CWC15: variants seen among roughly 807,000 people sequenced by gnomAD.
CWC15 encodes the protein CWC15 spliceosome associated protein, also known as spliceosome-associated protein CWC15 homolog.
A neutral mutation model predicts 28.4 loss-of-function variants in CWC15; 12 were observed. That is an observed-to-expected ratio of 0.42 (90% CI 0.27 to 0.69). The LOEUF (loss-of-function observed/expected upper bound fraction) is 0.69. Ranked by LOEUF, CWC15 falls within the 30% of genes least tolerant of loss-of-function variation. CWC15 has a pLI of 0.23. For synonymous variants in CWC15, 92 were observed against 88.4 expected (o/e 1.04, Z -0.23); for missense variants, 192 against 271.5 (o/e 0.71, Z 2.06).
chr11:94,967,968 T>C (rs587750837), intron 5 of CWC15, among the ~76,000 whole-genome samples: 2 of 152,340 alleles, frequency 1.3e-5, no homozygotes, highest in Non-Finnish European at 2.9e-5. Flanking sequence ...GGACATTTTA[T>C]GTTTGGAATA....
At chr11:94,973,355 C>G (rs1857759573) in intron 1 of CWC15, 143 bp downstream of exon 1, 3 of 152,592 alleles carry the variant, frequency 2.0e-5, no homozygotes, top group Non-Finnish European at 2.9e-5. Context: ...ACGCGCCTGA[C>G]AGGCACTCGG....
rs782203939 is a variant in CWC15 at position 94,964,795 on chromosome 11, AGAT to A, written c.561-1284_561-1282del. On this transcript the variant is annotated intron_variant, in intron 6 of 6. Transcript: ENST00000279839. ...CTTGTATAATGTTTAGAGGCTGGCT[AGAT>A]GATTAGAACAGGTACTGGTAACTAA... is the stretch of plus-strand genomic sequence containing the variant. Among the ~76,000 whole-genome samples the A allele has an allele frequency of 4.6e-5, 7 of 152,356 alleles. No individual in the cohort carries two copies. The East Asian group carries it at 1.3e-3, about 29-fold the overall frequency.
rs1484016158 is a variant in CWC15 at position 94,970,898 on chromosome 11, TAAAGC to T, written c.333+74_333+78del. ...CTAAACATAAATATATGTCACTTCT[TAAAGC>T]AAAGACATAACAAGTATTTTAGAAT... On this transcript the variant is annotated intron_variant, in intron 4 of 6. Transcript: ENST00000279839. The T allele has an allele frequency of 5.8e-6, 7 of 1,196,624 alleles. No homozygotes were observed. The African/African-American group carries it at 9.0e-5, about 15-fold the overall frequency. The allele number at this position is 1,196,624 out of a possible 1,614,324, so 74.1% of individuals were successfully genotyped here.
rs2134099359 is a variant in CWC15, at chr11:94,966,272, ATTACTCCG to A, written c.560+15_560+22del. 5.5e-6 allele frequency: 6 copies of A among 1,081,520 alleles called. No individual in the cohort carries two copies. The highest frequency in any genetic ancestry group is 8.2e-6 in the Non-Finnish European group (6 of 730,130). The allele number at this position is 1,081,520 out of a possible 1,614,324, so 67.0% of individuals were successfully genotyped here. A position where few individuals can be genotyped will look rare whatever the true frequency, so the allele number is the denominator to read the frequency against. The stretch of plus-strand genomic sequence containing the variant: ...ACACACACACACACACACACACTCC[ATTACTCCG>A]TTACTGTATAGTACCTTCTTTTAAC... On this transcript the variant is annotated intron_variant, in intron 6 of 6. Coordinates refer to ENST00000279839, the MANE Select transcript of CWC15 (RefSeq NM_016403.4).
intron 5 of CWC15, 131 bp from the exon 6 acceptor site, chr11:94,966,544 GCT>G: frequency 8.0e-6 from 3 of 375,200 alleles, no homozygotes; most frequent in South Asian, 5.1e-5. Flanking sequence ...ATCAAGGCAG[GCT>G]TTTTTTTTTT....
chr11:94,970,455 T>C (rs139686533), intron 4 of CWC15: 1,942 of 180,860 alleles, frequency 0.011, 19 homozygotes, highest in South Asian at 0.042. Context: ...AAACTGCAAA[T>C]TGATTATAGG....
intron 6 of CWC15, 111 bp from the exon 7 acceptor site, chr11:94,963,625 T>A (rs1011830703): frequency 1.3e-6 from 1 of 754,954 alleles, no homozygotes; most frequent in East Asian, 3.2e-5. Flanking sequence ...TCAACATGTG[T>A]ATCATCTGAT....
chr11:94,971,194 C>T, intron 3 of CWC15, 129 bp from the exon 4 acceptor site: 1 of 1,013,934 alleles, frequency 9.9e-7, no homozygotes, highest in Non-Finnish European at 1.5e-6. Flanking sequence ...ATCCACAGTG[C>T]CTGGGCAAAT....
chr11:94,972,320 TAAAC>T, intron 1 of CWC15, 127 bp from the exon 2 acceptor site: 3 of 901,608 alleles, frequency 3.3e-6, no homozygotes, highest in South Asian at 1.8e-5. Context: ...TTAATCTTCT[TAAAC>T]AAAAGTTTTC....
At chr11:94,971,182 A>G in intron 3 of CWC15, 117 bp from the exon 4 acceptor site, 2 of 1,049,050 alleles carry the variant, frequency 1.9e-6, no homozygotes. Flanking sequence ...CAGTGAACTC[A>G]CATCCACAGT....
At chr11:94,972,316 T>C in intron 1 of CWC15, 123 bp from the exon 2 acceptor site, 4 of 948,478 alleles carry the variant, frequency 4.2e-6, no homozygotes, top group Non-Finnish European at 6.2e-6. Flanking sequence ...CTGCTTAATC[T>C]TCTTAAACAA....
intron 6 of CWC15, 71 bp downstream of exon 6, chr11:94,966,224 T>TACACACAC (rs1447749262): frequency 2.4e-4 from 177 of 734,152 alleles, no homozygotes; most frequent in African/African-American, 1.5e-3. Context: ...CACATACACA[T>TACACACAC]ATACACACAC....
chr11:94,971,168 T>C (rs1555096157), intron 3 of CWC15, 103 bp from the exon 4 acceptor site: 9 of 1,135,608 alleles, frequency 7.9e-6, no homozygotes, highest in Non-Finnish European at 1.1e-5. Flanking sequence ...AAAAGCATTA[T>C]CCACAGTGAA....
Position 94,971,085 on chromosome 11 carries a change from AT to A in CWC15, c.245-21del. On this transcript the variant is annotated intron_variant, in intron 3 of 6. Transcript: ENST00000279839. ...TATGTTCTGGGGGGAAACAAAAATC[AT>A]TTAACTTAGTAAAACAAATACTTCA... 2 of 1,588,924 alleles carry A rather than the reference AT, an allele frequency of 1.3e-6. No homozygotes were observed. Among genetic ancestry groups the A allele is most frequent in the Non-Finnish European group, 1.7e-6 (2 of 1,157,062 alleles).
At position 94,972,201 on chromosome 11, in the gene CWC15, G is replaced by C. The variant is rs2134104405; in HGVS notation, c.-8-8C>G. The C allele has an allele frequency of 6.2e-7, 1 of 1,608,482 alleles. No homozygotes were observed. Among genetic ancestry groups the C allele is most frequent in the Non-Finnish European group, 8.5e-7 (1 of 1,177,980 alleles). On this transcript the variant is annotated splice_polypyrimidine_tract_variant and splice_region_variant and intron_variant, in intron 1 of 6. Coordinates refer to ENST00000279839, the MANE Select transcript of CWC15 (RefSeq NM_016403.4). ...CTGTTGTCATCTTTTATGCTTTGAA[G>C]AAAAATATAATCAAGTTATTTCCAA...
chr11:94,971,910 A>T, intron 2 of CWC15, 145 bp downstream of exon 2: 2 of 757,760 alleles, frequency 2.6e-6, no homozygotes, highest in Non-Finnish European at 4.2e-6. Context: ...ATCACAGCAG[A>T]ATTTTAGTGT....
intron 1 of CWC15, among the ~76,000 whole-genome samples, chr11:94,972,734 A>G (rs1481029832): frequency 6.6e-6 from 1 of 152,224 alleles, no homozygotes; most frequent in Non-Finnish European, 1.5e-5. Context: ...CCCAGAGAAA[A>G]GTGTGTTAAA....
intron 6 of CWC15, among the ~76,000 whole-genome samples, chr11:94,966,010 T>C (rs1857634935): frequency 1.3e-5 from 2 of 152,336 alleles, no homozygotes; most frequent in South Asian, 4.1e-4. Flanking sequence ...TTTATTACTC[T>C]GTCCCTAGTG....
In CWC15 at chr11:94,971,474, C is replaced by T. The variant is rs782209990; in HGVS notation, c.145G>A (p.Asp49Asn). ...CGGTTACGAACCTCTTCAGGGGCAT[C>T]CTGAGTAGTCTGTCTAAAGTAGAAA... ...TKIKYRQTTQ[D>N]APEEVRNRDF... The change falls in exon 3 of 7, where the codon GAT becomes AAT. Residue 49 changes from aspartate to asparagine, a missense_variant. By Grantham distance (23) the Asp-to-Asn change is conservative. Coordinates refer to ENST00000279839, the MANE Select transcript of CWC15 (RefSeq NM_016403.4). The T allele has an allele frequency of 6.2e-7, 1 of 1,606,904 alleles. No homozygotes were observed. The highest frequency in any genetic ancestry group is 1.7e-5 in the Admixed American group (1 of 59,170).
Sources: gnomAD v4.1 joint callset for allele counts (sites outside exome capture counted in the v4.1 genomes callset) on GRCh38, gnomAD v4.1.1 for gene constraint, MANE v1.5 for transcripts, NCBI Gene and HGNC (gene_info 2026-07-23, HGNC 2026-07-21) for gene names.